ME3: variants seen among roughly 807,000 people sequenced by gnomAD.
The protein encoded by ME3 is malic enzyme 3, also known as NADP-dependent malic enzyme, mitochondrial.
In ME3, 48 loss-of-function variants were observed where a neutral mutation model predicts 68.9. The ratio of observed to expected loss-of-function variants is 0.70; its 90% confidence interval spans 0.55 to 0.89. The LOEUF is 0.89. ME3 is among the 40% of genes least tolerant of loss of function. The pLI is 0.00. For synonymous variants in ME3, 320 were observed against 318.8 expected (o/e 1.00, Z -0.04); for missense variants, 675 against 797.4 (o/e 0.85, Z 1.85).
intron 8 of ME3, among the ~76,000 whole-genome samples, chr11:86,457,934 A>T (rs755791429): frequency 6.6e-6 from 1 of 152,242 alleles, no homozygotes; most frequent in African/African-American, 2.4e-5. Flanking sequence ...AGGAGTTGCC[A>T]TGCTGAACAA....
chr11:86,446,113 TC>T (rs1224137309), intron 13 of ME3, among the ~76,000 whole-genome samples, 200 bp downstream of exon 13: 2 of 152,032 alleles, frequency 1.3e-5, no homozygotes, highest in Non-Finnish European at 2.9e-5. Context: ...TATTCCCCAT[TC>T]CCCCTCAAAA....
intron 2 of ME3, among the ~76,000 whole-genome samples, chr11:86,656,045 T>G (rs1322269894): frequency 1.3e-5 from 2 of 150,972 alleles, no homozygotes; most frequent in Non-Finnish European, 3.0e-5. Flanking sequence ...AAAACCACAA[T>G]GAGATACCAT....
intron 4 of ME3, among the ~76,000 whole-genome samples, chr11:86,519,467 G>A (rs1361032319): frequency 1.3e-5 from 2 of 152,136 alleles, no homozygotes; most frequent in African/African-American, 4.8e-5. Flanking sequence ...AAAGAACCCT[G>A]AACAACACCC....
At chr11:86,460,705 C>T (rs1950186851) in intron 8 of ME3, among the ~76,000 whole-genome samples, 1 of 152,254 alleles carries the variant, frequency 6.6e-6, no homozygotes, top group Admixed American at 6.5e-5. Context: ...CACTCCCTCT[C>T]ACCCCTTCAC....
intron 2 of ME3, among the ~76,000 whole-genome samples, chr11:86,588,484 A>C (rs970004033): frequency 6.6e-6 from 1 of 152,226 alleles, no homozygotes; most frequent in African/African-American, 2.4e-5. Context: ...GACTAAATTC[A>C]TGTCCTACCA....
intron 7 of ME3, among the ~76,000 whole-genome samples, chr11:86,465,842 T>C (rs972802596): frequency 6.6e-6 from 1 of 152,194 alleles, no homozygotes; most frequent in Non-Finnish European, 1.5e-5. Flanking sequence ...CTGACCTTGT[T>C]TAAAAAGCAG....
intron 2 of ME3, among the ~76,000 whole-genome samples, chr11:86,596,923 GT>G (rs1358574593): frequency 6.6e-6 from 1 of 152,198 alleles, no homozygotes; most frequent in African/African-American, 2.4e-5. Context: ...AGTGGACCAG[GT>G]TGTGGAGAAC....
chr11:86,556,077 TAATAA>T (rs1167322116), intron 4 of ME3, among the ~76,000 whole-genome samples: 1 of 152,222 alleles, frequency 6.6e-6, no homozygotes, highest in Non-Finnish European at 1.5e-5. Context: ...AAGTTTTGTC[TAATAA>T]AATGACATTT....
At chr11:86,528,950 G>C (rs547383286) in intron 4 of ME3, among the ~76,000 whole-genome samples, 1 of 152,238 alleles carries the variant, frequency 6.6e-6, no homozygotes, top group African/African-American at 2.4e-5. Context: ...AAAAGAACTA[G>C]AGAAGCAGGA....
chr11:86,442,815 C>T lies in ME3; in HGVS notation c.1653+6G>A. 6.2e-7 allele frequency: 1 copy of T among 1,604,746 alleles called. No homozygotes were observed. Among genetic ancestry groups the T allele is most frequent in the Admixed American group, 1.7e-5 (1 of 59,936 alleles). ...ACCCATATTACAGGGGTAGGATGCC[C>T]CTTACTTTGATGGCAATTCTCAAAG... On this transcript the variant is annotated splice_donor_region_variant and intron_variant, in intron 14 of 14. Coordinates refer to ENST00000543262, the Ensembl canonical transcript of ME3.
chr11:86,494,468 T>C (rs1952189322), intron 6 of ME3, among the ~76,000 whole-genome samples: 1 of 152,124 alleles, frequency 6.6e-6, no homozygotes, highest in African/African-American at 2.4e-5. Flanking sequence ...TTTCCTTATC[T>C]GAAAATTGGG....
At chr11:86,653,654 C>A (rs989667696) in intron 2 of ME3, among the ~76,000 whole-genome samples, 1 of 152,040 alleles carries the variant, frequency 6.6e-6, no homozygotes, top group Non-Finnish European at 1.5e-5. Context: ...GAAAGATCTA[C>A]AATTGACACC....
intron 1 of ME3, 88 bp from the exon 2 acceptor site, chr11:86,672,046 A>G: frequency 9.0e-7 from 1 of 1,116,160 alleles, no homozygotes; most frequent in Admixed American, 4.2e-5. Flanking sequence ...TGATCCGGGG[A>G]CGCGCCCTCT....
chr11:86,450,246 C>T, intron 9 of ME3, 55 bp downstream of exon 9: 3 of 1,531,498 alleles, frequency 2.0e-6, no homozygotes, highest in Non-Finnish European at 2.7e-6. Context: ...GGTATGCTTC[C>T]ACCCATTCTT....
intron 5 of ME3, among the ~76,000 whole-genome samples, chr11:86,498,886 G>A (rs1375900119): frequency 6.6e-6 from 1 of 152,178 alleles, no homozygotes; most frequent in Non-Finnish European, 1.5e-5. Flanking sequence ...ATAAGACACT[G>A]TGACAAATTC....
downstream of ME3, chr11:86,436,928 C>T (rs1030703520): frequency 1.3e-5 from 2 of 151,994 alleles, no homozygotes; most frequent in East Asian, 3.9e-4. Context: ...CCACACAGTC[C>T]TTTTTTGGTA....
At chr11:86,461,924 A>G (rs1487957728) in intron 8 of ME3, among the ~76,000 whole-genome samples, 2 of 152,262 alleles carry the variant, frequency 1.3e-5, no homozygotes, top group East Asian at 3.9e-4. Context: ...CTGAGAAAAG[A>G]ATGGGAAGTC....
At chr11:86,493,033 A>C (rs146151833) in intron 6 of ME3, among the ~76,000 whole-genome samples, 12 of 152,328 alleles carry the variant, frequency 7.9e-5, no homozygotes, top group Admixed American at 5.2e-4. Context: ...GGGGTAAGAT[A>C]CAAAGATCCT....
At chr11:86,547,447 A>T (rs1441464857) in intron 4 of ME3, among the ~76,000 whole-genome samples, 1 of 126,026 alleles carries the variant, frequency 7.9e-6, no homozygotes, top group Non-Finnish European at 1.6e-5. Context: ...ACATGGACAC[A>T]GGGAGGGGAA....
Sources: gnomAD v4.1 joint callset for allele counts (sites outside exome capture counted in the v4.1 genomes callset) on GRCh38, gnomAD v4.1.1 for gene constraint, MANE v1.5 for transcripts, NCBI Gene and HGNC (gene_info 2026-07-23, HGNC 2026-07-21) for gene names.